The following EPHA7 variants were observed in gnomAD, a reference collection of about 807,000 sequenced individuals.
The protein encoded by EPHA7 is ephrin type-A receptor 7.
In EPHA7, 25 loss-of-function variants were observed where a neutral mutation model predicts 112.6. The observed-to-expected ratio is 0.22, with a 90% CI of 0.16 to 0.31. EPHA7 has a LOEUF of 0.31. EPHA7 is among the 10% of genes least tolerant of loss of function. The pLI, the probability that EPHA7 is intolerant of heterozygous loss-of-function variation, is 1.00. For synonymous variants in EPHA7, 437 were observed against 406.5 expected, an observed-to-expected ratio of 1.07 and a Z score of -0.90; for missense variants, 962 against 1,212.6, an observed-to-expected ratio of 0.79 and a Z score of 3.07.
intron 3 of EPHA7, among the ~76,000 whole-genome samples, chr6:93,376,011 G>C (rs1215925568): frequency 6.6e-6 from 1 of 152,178 alleles, no homozygotes; most frequent in East Asian, 1.9e-4. Context: ...GCAGAAGATA[G>C]TCAGAAGGAG....
intron 3 of EPHA7, among the ~76,000 whole-genome samples, chr6:93,383,928 T>G (rs1777475143): frequency 1.3e-5 from 2 of 152,082 alleles, no homozygotes; most frequent in Non-Finnish European, 2.9e-5. Flanking sequence ...CTTCAAGGGA[T>G]CCTCCTGCCT....
At chr6:93,356,439 G>C (rs935801878) in intron 5 of EPHA7, among the ~76,000 whole-genome samples, 1 of 152,068 alleles carries the variant, frequency 6.6e-6, no homozygotes, top group African/African-American at 2.4e-5. Context: ...TGCTGACCTT[G>C]TGATCTGCCC....
At chr6:93,273,315 G>T (rs1304783046) in intron 5 of EPHA7, among the ~76,000 whole-genome samples, 2 of 151,804 alleles carry the variant, frequency 1.3e-5, no homozygotes, top group Non-Finnish European at 2.9e-5. Flanking sequence ...TTTCAGTGGG[G>T]TCATTATGTT....
At chr6:93,286,988 T>C (rs1355786857) in intron 5 of EPHA7, among the ~76,000 whole-genome samples, 1 of 152,218 alleles carries the variant, frequency 6.6e-6, no homozygotes, top group African/African-American at 2.4e-5. Context: ...TTCTCTGTTT[T>C]ATAATTGAGA....
At chr6:93,360,512 T>C (rs1237248466) in intron 3 of EPHA7, among the ~76,000 whole-genome samples, 3 of 152,084 alleles carry the variant, frequency 2.0e-5, no homozygotes, top group Non-Finnish European at 4.4e-5. Flanking sequence ...AAGGAGGTTA[T>C]GGGGGGACAA....
At chr6:93,320,777 A>G (rs531609309) in intron 5 of EPHA7, among the ~76,000 whole-genome samples, 20 of 152,100 alleles carry the variant, frequency 1.3e-4, no homozygotes, top group African/African-American at 4.6e-4. Flanking sequence ...CAGCTTTGCT[A>G]GTATTTAATG....
chr6:93,296,157 T>C (rs1344305191), intron 5 of EPHA7, among the ~76,000 whole-genome samples: 1 of 151,474 alleles, frequency 6.6e-6, no homozygotes, highest in Non-Finnish European at 1.5e-5. Context: ...AGATTTAATG[T>C]TCCTCAGAGG....
chr6:93,391,522 C>T (rs1054458337), intron 3 of EPHA7, among the ~76,000 whole-genome samples: 2 of 151,812 alleles, frequency 1.3e-5, no homozygotes, highest in East Asian at 3.9e-4. Context: ...AGGACCAAGG[C>T]AAGGAGCCTG....
chr6:93,356,508 T>G (rs1426509258), intron 5 of EPHA7, among the ~76,000 whole-genome samples: 2 of 152,152 alleles, frequency 1.3e-5, no homozygotes, highest in Non-Finnish European at 2.9e-5. Context: ...TGGCCAATTT[T>G]ATCTCCTTTT....
At chr6:93,332,090 T>G (rs1774622244) in intron 5 of EPHA7, among the ~76,000 whole-genome samples, 1 of 151,654 alleles carries the variant, frequency 6.6e-6, no homozygotes, top group Admixed American at 6.6e-5. Context: ...TTGATAAGAC[T>G]TTTAGTAATA....
At chr6:93,373,974 C>G (rs1776928918) in intron 3 of EPHA7, among the ~76,000 whole-genome samples, 1 of 151,996 alleles carries the variant, frequency 6.6e-6, no homozygotes, top group Non-Finnish European at 1.5e-5. Context: ...AAGCATAACA[C>G]TACATAAATA....
At chr6:93,367,758 T>C (rs1416573949) in intron 3 of EPHA7, among the ~76,000 whole-genome samples, 2 of 152,126 alleles carry the variant, frequency 1.3e-5, no homozygotes, top group Admixed American at 1.3e-4. Context: ...TCTTATAAGA[T>C]TGTTATGAAT....
At chr6:93,389,256 C>T (rs1170240860) in intron 3 of EPHA7, among the ~76,000 whole-genome samples, 1 of 152,018 alleles carries the variant, frequency 6.6e-6, no homozygotes, top group Non-Finnish European at 1.5e-5. Context: ...CATTTTTATG[C>T]ATATTTATTG....
chr6:93,412,471 T>G (rs2127995921), intron 2 of EPHA7, among the ~76,000 whole-genome samples: 1 of 152,208 alleles, frequency 6.6e-6, no homozygotes, highest in Middle Eastern at 3.4e-3. Flanking sequence ...TTGATGATGT[T>G]ATATATTTGG....
chr6:93,291,142 C>T (rs1301044401), intron 5 of EPHA7, among the ~76,000 whole-genome samples: 1 of 152,034 alleles, frequency 6.6e-6, no homozygotes. Context: ...TGGATACATC[C>T]CTGATTTCTG....
chr6:93,258,648 C>T lies in EPHA7; in HGVS notation c.1925-364G>A, dbSNP rs1365282236. On this transcript the variant is annotated intron_variant, in intron 10 of 16. Coordinates refer to ENST00000369303, the MANE Select transcript of EPHA7 (RefSeq NM_004440.4). The stretch of plus-strand genomic sequence containing the variant: ...GGTCAACATTTAGATTTGAATTATG[C>T]TATTATATATTATATATTTAAAAAT... Among the ~76,000 whole-genome samples, 4 of 148,330 alleles carry T rather than the reference C, an allele frequency of 2.7e-5. No individual in the cohort carries two copies. The East Asian group carries it at 7.8e-4, about 29-fold the overall frequency.
At chr6:93,308,387 C>G (rs575461084) in intron 5 of EPHA7, among the ~76,000 whole-genome samples, 1 of 151,924 alleles carries the variant, frequency 6.6e-6, no homozygotes, top group Admixed American at 6.6e-5. Context: ...AGAAGCACTA[C>G]TTTATTTATT....
chr6:93,403,097 T>C (rs1024883044), intron 3 of EPHA7, among the ~76,000 whole-genome samples: 1 of 152,056 alleles, frequency 6.6e-6, no homozygotes, highest in Admixed American at 6.6e-5. Flanking sequence ...TATCCTGTTA[T>C]TTGCTATGAG....
At chr6:93,356,270 C>T (rs914968391) in intron 5 of EPHA7, among the ~76,000 whole-genome samples, 6 of 151,870 alleles carry the variant, frequency 4.0e-5, no homozygotes, top group African/African-American at 7.2e-5. Flanking sequence ...TGCAGTGGCA[C>T]GATCTCGGCT....
Sources: allele counts gnomAD v4.1 joint callset (sites outside exome capture counted in the v4.1 genomes callset), GRCh38; gene constraint gnomAD v4.1.1; transcripts MANE v1.5; gene names NCBI Gene and HGNC (gene_info 2026-07-23, HGNC 2026-07-21).